EXOC5: variants seen among roughly 807,000 people sequenced by gnomAD.
EXOC5 encodes the protein exocyst complex component 5, also known as SEC10-like 1.
Under a neutral mutation model 90.8 loss-of-function variants are expected in EXOC5, and 17 were observed. The observed-to-expected ratio is 0.19, with a 90% CI of 0.13 to 0.28. The LOEUF (loss-of-function observed/expected upper bound fraction) is 0.28, where lower values mean the gene tolerates loss of function less well. EXOC5 is among the 10% of genes least tolerant of loss of function. The pLI is 1.00. For synonymous variants in EXOC5, 260 were observed against 270.0 expected (o/e 0.96, Z 0.36); for missense variants, 569 against 830.6 (o/e 0.69, Z 3.87).
intron 17 of EXOC5, 138 bp from the exon 18 acceptor site, chr14:57,208,935 T>C: frequency 1.8e-6 from 1 of 545,410 alleles, no homozygotes; most frequent in East Asian, 2.8e-5. Flanking sequence ...TTTTTAAAGA[T>C]CACAATGCAT....
intron 6 of EXOC5, 150 bp from the exon 7 acceptor site, chr14:57,235,970 A>G (rs1403559314): frequency 3.5e-6 from 2 of 578,464 alleles, no homozygotes; most frequent in East Asian, 5.6e-5. Flanking sequence ...CCGTGAACCC[A>G]GCCCCTGTAA....
At chr14:57,248,881 T>A (rs574507375) in intron 1 of EXOC5, among the ~76,000 whole-genome samples, 1 of 152,250 alleles carries the variant, frequency 6.6e-6, no homozygotes, top group East Asian at 1.9e-4. Flanking sequence ...CATATTTAGA[T>A]AATCAGCCTC....
intron 13 of EXOC5, among the ~76,000 whole-genome samples, chr14:57,220,951 A>G (rs1243623880): frequency 6.6e-6 from 1 of 152,182 alleles, no homozygotes; most frequent in Non-Finnish European, 1.5e-5. Context: ...CCACAAGTAC[A>G]GGAGTAGGCA....
Position 57,250,772 on chromosome 14 carries a change from A to G in EXOC5, c.28-3060T>C, listed in dbSNP as rs1046040713. Among the ~76,000 whole-genome samples, 11 of 152,200 alleles carry G rather than the reference A, an allele frequency of 7.2e-5. No individual in the cohort carries two copies. In the South Asian group the frequency reaches 1.0e-3, roughly 14 times the overall value. ...ATGAGGAAGCCCAGGTAAAAATCCTAAAGTCGCCCCTGTCCAGTTGAGGTA... is the reference window on the plus strand; with the variant it reads ...ATGAGGAAGCCCAGGTAAAAATCCTGAAGTCGCCCCTGTCCAGTTGAGGTA... On this transcript the variant is annotated intron_variant, in intron 1 of 17. Transcript: ENST00000621441.
Position 57,268,650 on chromosome 14 carries a change from C to G in EXOC5, c.-2G>C. On this transcript the variant is annotated 5_prime_UTR_variant, in exon 1 of 18. Coordinates refer to ENST00000621441, the MANE Select transcript of EXOC5 (RefSeq NM_006544.4). Reference sequence around the variant, plus strand: ...GAAGAGCTCGGCCGTGGTAGCCATCCCGGCCGGCTGAGAGGCTCGCCCCCC... The same window carrying G: ...GAAGAGCTCGGCCGTGGTAGCCATCGCGGCCGGCTGAGAGGCTCGCCCCCC... The G allele has an allele frequency of 6.3e-7, 1 of 1,588,996 alleles. No homozygotes were observed.
At chr14:57,262,744 T>G (rs907436250) in intron 1 of EXOC5, among the ~76,000 whole-genome samples, 34 of 149,554 alleles carry the variant, frequency 2.3e-4, no homozygotes, top group African/African-American at 7.6e-4. Flanking sequence ...TATATATGTG[T>G]GTGTGTATAT....
chr14:57,229,782 C>T lies in EXOC5; in HGVS notation c.1248G>A (p.Val416=). ...HGETFLSQEV[V]VNLLQETKQA... is the part of the protein sequence containing the mutation. ...GTTTGGTTTCTTGTAAAAGATTAAC[C>T]ACCACTTCTTGGGATAGAAAAGTCT... The change falls in exon 12 of 18, where the codon GTG becomes GTA. Residue 416 remains valine, a synonymous_variant. Transcript: ENST00000621441. The T allele has an allele frequency of 3.3e-6, 5 of 1,525,772 alleles. No homozygotes were observed. The highest frequency in any genetic ancestry group is 3.5e-6 in the Non-Finnish European group (4 of 1,130,130). 94.5% of individuals were successfully genotyped at this position (1,525,772 alleles called of 1,614,324 possible). A position where few individuals can be genotyped will look rare whatever the true frequency, so the allele number is the denominator to read the frequency against.
In EXOC5 at chr14:57,210,135, T is replaced by C. The variant is rs192753993; in HGVS notation, c.1614-74A>G. The C allele has an allele frequency of 5.8e-4, 383 of 665,504 alleles. No individual in the cohort carries two copies. The African/African-American group carries it at 5.8e-3, about 10-fold the overall frequency. The allele number at this position is 665,504 out of a possible 1,614,324, so 41.2% of individuals were successfully genotyped here. A position where few individuals can be genotyped will look rare whatever the true frequency, so the allele number is the denominator to read the frequency against. Reference sequence around the variant, plus strand: ...TGTTTATGTTTAATTATATTATTTATGCTAAATTAAATCAGTTATTTAATT... The same window carrying C: ...TGTTTATGTTTAATTATATTATTTACGCTAAATTAAATCAGTTATTTAATT... On this transcript the variant is annotated intron_variant, in intron 15 of 17. Coordinates refer to ENST00000621441, the MANE Select transcript of EXOC5 (RefSeq NM_006544.4).
At chr14:57,263,669 G>A (rs928700610) in intron 1 of EXOC5, among the ~76,000 whole-genome samples, 2 of 149,794 alleles carry the variant, frequency 1.3e-5, no homozygotes, top group Non-Finnish European at 3.0e-5. Flanking sequence ...AGGAGGCTGA[G>A]GCAGGAGAAT....
chr14:57,209,112 G>A (rs1290636979), intron 17 of EXOC5, among the ~76,000 whole-genome samples: 1 of 151,898 alleles, frequency 6.6e-6, no homozygotes, highest in Non-Finnish European at 1.5e-5. Context: ...ATATTCAGGG[G>A]GACATAAATG....
intron 1 of EXOC5, among the ~76,000 whole-genome samples, chr14:57,249,255 A>C (rs1884115866): frequency 6.6e-6 from 1 of 152,078 alleles, no homozygotes; most frequent in South Asian, 2.1e-4. Flanking sequence ...CCCTTTCAAA[A>C]ATCTACAGTA....
intron 15 of EXOC5, among the ~76,000 whole-genome samples, chr14:57,210,451 G>T (rs1882794404): frequency 6.6e-6 from 1 of 151,982 alleles, no homozygotes; most frequent in Admixed American, 6.6e-5. Flanking sequence ...TTCAGATTTT[G>T]GAATATTTGT....
intron 1 of EXOC5, among the ~76,000 whole-genome samples, chr14:57,257,593 T>C (rs952405639): frequency 6.6e-6 from 1 of 152,144 alleles, no homozygotes; most frequent in African/African-American, 2.4e-5. Flanking sequence ...GTACACATTT[T>C]ATCCTCAGAG....
chr14:57,235,051 G>A (rs976934495), intron 7 of EXOC5, among the ~76,000 whole-genome samples: 6 of 152,088 alleles, frequency 3.9e-5, no homozygotes, highest in Non-Finnish European at 7.4e-5. Context: ...AGTAAGGAAA[G>A]CAATATAAAG....
At chr14:57,229,305 A>G (rs1316572737) in intron 12 of EXOC5, among the ~76,000 whole-genome samples, 1 of 152,214 alleles carries the variant, frequency 6.6e-6, no homozygotes, top group Non-Finnish European at 1.5e-5. Context: ...ATATCTTAGT[A>G]AAACAAGGTA....
At chr14:57,255,557 C>G (rs887018661) in intron 1 of EXOC5, among the ~76,000 whole-genome samples, 3 of 152,086 alleles carry the variant, frequency 2.0e-5, no homozygotes, top group Non-Finnish European at 2.9e-5. Flanking sequence ...GCTGAAGCAC[C>G]AGTTCAGAGG....
intron 15 of EXOC5, among the ~76,000 whole-genome samples, chr14:57,215,901 A>T (rs1311315246): frequency 6.6e-6 from 1 of 152,218 alleles, no homozygotes; most frequent in African/African-American, 2.4e-5. Context: ...CTCTTTGCAG[A>T]TGATATGATC....
At chr14:57,264,543 C>T (rs1466757140) in intron 1 of EXOC5, among the ~76,000 whole-genome samples, 1 of 152,090 alleles carries the variant, frequency 6.6e-6, no homozygotes, top group East Asian at 1.9e-4. Context: ...GCATTTAGGA[C>T]CTCCAAAATT....
intron 6 of EXOC5, among the ~76,000 whole-genome samples, chr14:57,236,381 G>C (rs1185790839): frequency 6.6e-6 from 1 of 151,188 alleles, no homozygotes; most frequent in African/African-American, 2.4e-5. Flanking sequence ...CACCTGCTGG[G>C]TTCAAGCGAT....
Sources: allele counts gnomAD v4.1 joint callset (sites outside exome capture counted in the v4.1 genomes callset), GRCh38; gene constraint gnomAD v4.1.1; transcripts MANE v1.5; gene names NCBI Gene and HGNC (gene_info 2026-07-23, HGNC 2026-07-21).